UGT1A7: variants seen among roughly 807,000 people sequenced by gnomAD.
UGT1A7 encodes the protein UDP glucuronosyltransferase family 1 member A7.
UGT1A7 carries 33 observed loss-of-function variants against 45.6 expected under a neutral mutation model. The ratio of observed to expected loss-of-function variants is 0.72; its 90% CI spans 0.55 to 0.97. The LOEUF (loss-of-function observed/expected upper bound fraction) is 0.97. Ranked by LOEUF, UGT1A7 falls within the 50% of genes least tolerant of loss-of-function variation. The pLI, the probability that UGT1A7 is intolerant of heterozygous loss-of-function variation, is 0.00. For missense variants in UGT1A7, 684 were observed against 666.2 expected (o/e 1.03, Z -0.29); for synonymous variants, 274 against 250.6 (o/e 1.09, Z -0.88).
At chr2:233,771,541 A>C (rs1305136461) in intron 4 of UGT1A7, 1 of 152,298 alleles carries the variant, frequency 6.6e-6, no homozygotes, top group African/African-American at 2.4e-5. Flanking sequence ...TTTGGCACTT[A>C]CAAATGGCTG....
Position 233,722,490 on chromosome 2 carries a change from A to G in UGT1A7, c.855+39698A>G, listed in dbSNP as rs147045039. Among the ~76,000 whole-genome samples the G allele has an allele frequency of 2.3e-3, 357 of 152,016 alleles. 2 individuals are homozygous for G. Among genetic ancestry groups the G allele is most frequent in the East Asian group, 0.02 (103 of 5,174 alleles). ...ATTTGTATATTCTTTTCACTGTTTC[A>G]TTTTCCGTTTCGTTAATTGCAGCTT... On this transcript the variant is annotated intron_variant, in intron 1 of 4. Coordinates refer to ENST00000373426, the MANE Select transcript of UGT1A7 (RefSeq NM_019077.3).
At chr2:233,733,215 C>T (rs1311837703) in intron 1 of UGT1A7, among the ~76,000 whole-genome samples, 2 of 152,150 alleles carry the variant, frequency 1.3e-5, no homozygotes, top group East Asian at 3.8e-4. Flanking sequence ...TGGGCTGAGA[C>T]AATGGGGTTT....
At position 233,682,749 on chromosome 2, in the gene UGT1A7, T is replaced by A; in HGVS notation, c.812T>A (p.Phe271Tyr). 1 of 1,613,926 alleles carries A rather than the reference T, an allele frequency of 6.2e-7. No individual in the cohort carries two copies. Among genetic ancestry groups the A allele is most frequent in the Non-Finnish European group, 8.5e-7 (1 of 1,179,826 alleles). The change falls in exon 1 of 5, where the codon TTC becomes TAC. Residue 271 changes from phenylalanine to tyrosine, a missense_variant. Coordinates refer to ENST00000373426, the MANE Select transcript of UGT1A7 (RefSeq NM_019077.3). ...YPKPVMPNMI[F>Y]IGGINCHQGK... ...AAACCCGTGATGCCCAATATGATCT[T>A]CATTGGTGGTATCAACTGTCATCAG...
intron 1 of UGT1A7, chr2:233,760,769 C>A: frequency 3.7e-6 from 6 of 1,614,028 alleles, no homozygotes; most frequent in Non-Finnish European, 5.1e-6. Flanking sequence ...CCCATCGTGG[C>A]CCAGTACCTG....
Position 233,697,029 on chromosome 2 carries a change from G to A in UGT1A7, c.855+14237G>A, listed in dbSNP as rs561369376. ...CTATGTTCGTCAGAGATATGGGCCC[G>A]CAGTTTTCTTTTTTTTTGTTGTGTC... On this transcript the variant is annotated intron_variant, in intron 1 of 4. Transcript: ENST00000373426. 2.5e-4 allele frequency among the ~76,000 whole-genome samples: 38 copies of A among 152,092 alleles called. No homozygotes were observed. In the South Asian group the frequency reaches 7.3e-3, roughly 29 times the overall value.
intron 1 of UGT1A7, among the ~76,000 whole-genome samples, chr2:233,687,061 C>G (rs2074821200): frequency 6.6e-6 from 1 of 152,144 alleles, no homozygotes; most frequent in Non-Finnish European, 1.5e-5. Flanking sequence ...CTGGAGTCCT[C>G]CAAGCCTGAT....
chr2:233,712,943 G>A, intron 1 of UGT1A7: 1 of 1,612,442 alleles, frequency 6.2e-7, no homozygotes. Flanking sequence ...AACAATTCTA[G>A]GAGGCACAAC....
At chr2:233,771,903 G>C (rs937853722) in intron 4 of UGT1A7, among the ~76,000 whole-genome samples, 1 of 151,428 alleles carries the variant, frequency 6.6e-6, no homozygotes, top group Non-Finnish European at 1.5e-5. Context: ...AACCTTTCAG[G>C]TGATAATAGT....
intron 1 of UGT1A7, among the ~76,000 whole-genome samples, chr2:233,736,127 C>T (rs143835193): frequency 0.028 from 4,197 of 152,268 alleles, 184 homozygotes; most frequent in African/African-American, 0.094. Flanking sequence ...TTCCATTCTC[C>T]GCATCACTTT....
intron 1 of UGT1A7, among the ~76,000 whole-genome samples, chr2:233,683,645 T>TTA (rs1357955429): frequency 6.6e-6 from 1 of 152,182 alleles, no homozygotes; most frequent in Non-Finnish European, 1.5e-5. Context: ...AATTTTGCAC[T>TTA]TTATAAAAGT....
chr2:233,687,759 A>C (rs1014972219), intron 1 of UGT1A7, among the ~76,000 whole-genome samples: 1 of 152,052 alleles, frequency 6.6e-6, no homozygotes, highest in African/African-American at 2.4e-5. Context: ...TTTAAAAATT[A>C]GCTGGGCCTG....
chr2:233,762,993 G>T (rs1698210222), intron 1 of UGT1A7, among the ~76,000 whole-genome samples: 1 of 152,172 alleles, frequency 6.6e-6, no homozygotes, highest in Non-Finnish European at 1.5e-5. Flanking sequence ...AGTGGAAATT[G>T]ATTATCATTT....
intron 1 of UGT1A7, chr2:233,713,397 G>C: frequency 6.2e-7 from 1 of 1,614,030 alleles, no homozygotes; most frequent in Non-Finnish European, 8.5e-7. Flanking sequence ...GCATAATGAG[G>C]CCCTGATCAG....
At position 233,718,993 on chromosome 2, in the gene UGT1A7, CG is replaced by C. The variant is rs757477070; in HGVS notation, c.855+36203del. Reference sequence around the variant, plus strand: ...GAGCTCCATGCCAGAGGCCACCAGGCGGTGGTCCTCACCCCAGAGGTGAATA... The same window carrying C: ...GAGCTCCATGCCAGAGGCCACCAGGCGTGGTCCTCACCCCAGAGGTGAATA... On this transcript the variant is annotated intron_variant, in intron 1 of 4. Coordinates refer to ENST00000373426, the MANE Select transcript of UGT1A7 (RefSeq NM_019077.3). The C allele has an allele frequency of 3.7e-5, 59 of 1,614,208 alleles. No homozygotes were observed. The East Asian group carries it at 9.8e-4, about 27-fold the overall frequency.
intron 1 of UGT1A7, among the ~76,000 whole-genome samples, chr2:233,687,383 A>G (rs2074837301): frequency 6.6e-6 from 1 of 152,114 alleles, no homozygotes; most frequent in African/African-American, 2.4e-5. Context: ...GAATTTGCAA[A>G]TTAAATATAA....
intron 1 of UGT1A7, chr2:233,747,188 GTCAGCTGTCCGTGTCT>G: frequency 6.2e-7 from 1 of 1,603,604 alleles, no homozygotes; most frequent in Non-Finnish European, 8.5e-7. Flanking sequence ...GGGGTGGACA[GTCAGCTGTCCGTGTCT>G]TCTGCTGAGA....
rs2077836996 is a variant in UGT1A7 at position 233,729,318 on chromosome 2, G to C, written c.856-37716G>C. The stretch of plus-strand genomic sequence containing the variant: ...ACCAGGCAGTGGTCCTCACCCCAGA[G>C]GTGAATATGCACATCAAAGAAGAGA... On this transcript the variant is annotated intron_variant, in intron 1 of 4. Transcript: ENST00000373426. 5 of 1,614,128 alleles carry C rather than the reference G, an allele frequency of 3.1e-6. No homozygotes were observed. In the Middle Eastern group the frequency reaches 6.6e-4, roughly 212 times the overall value.
At chr2:233,749,597 A>G (rs1694229445) in intron 1 of UGT1A7, among the ~76,000 whole-genome samples, 1 of 151,834 alleles carries the variant, frequency 6.6e-6, no homozygotes, top group South Asian at 2.1e-4. Flanking sequence ...ACATGAAGTC[A>G]CACTAGATTT....
Position 233,772,617 on chromosome 2 carries a change from GA to G in UGT1A7, c.*62del. 1 of 1,572,898 alleles carries G rather than the reference GA, an allele frequency of 6.4e-7. No homozygotes were observed. Among genetic ancestry groups the G allele is most frequent in the Non-Finnish European group, 8.6e-7 (1 of 1,158,346 alleles). On this transcript the variant is annotated 3_prime_UTR_variant, in exon 5 of 5. Coordinates refer to ENST00000373426, the MANE Select transcript of UGT1A7 (RefSeq NM_019077.3). The stretch of plus-strand genomic sequence containing the variant: ...CCATTCCCTAGTCATTTCCAAACTT[GA>G]AAACAGAATCAGTGTTAAATTCATT...
Sources: gnomAD v4.1 joint callset for allele counts (sites outside exome capture counted in the v4.1 genomes callset) on GRCh38, gnomAD v4.1.1 for gene constraint, MANE v1.5 for transcripts, NCBI Gene and HGNC (gene_info 2026-07-23, HGNC 2026-07-21) for gene names.